LARGE1: variants seen among roughly 807,000 people sequenced by gnomAD.
LARGE1 encodes LARGE xylosyl- and glucuronyltransferase 1.
In LARGE1, 43 loss-of-function variants were observed where a neutral mutation model predicts 87.6. That is an observed-to-expected ratio of 0.49 (90% confidence interval 0.38 to 0.63). The LOEUF is 0.63. LARGE1 is among the 30% of genes least tolerant of loss of function. The pLI, the probability that LARGE1 is intolerant of heterozygous loss-of-function variation, is 0.00. For missense variants in LARGE1, 802 were observed against 1,000.2 expected (o/e 0.80, Z 2.67); for synonymous variants, 434 against 394.6 (o/e 1.10, Z -1.18).
rs71187278 is a variant in LARGE1, at chr22:33,713,982, GTAACATAACATAACA to G, written c.106+47374_106+47388del. Among the ~76,000 whole-genome samples the G allele has an allele frequency of 4.4e-4, 56 of 126,250 alleles. No homozygotes were observed. In the East Asian group the frequency reaches 9.9e-3, roughly 22 times the overall value. 82.8% of individuals were successfully genotyped at this position (126,250 alleles called of 152,430 possible). ...GAAAAAGTAAATAACGTAACATAACGTAACATAACATAACATAACATAACATAACATAACATAACA... is the reference window on the plus strand; with the variant it reads ...GAAAAAGTAAATAACGTAACATAACGTAACATAACATAACATAACATAACA... On this transcript the variant is annotated intron_variant, in intron 2 of 14. Transcript: ENST00000397394.
chr22:33,250,452 T>C (rs1296339412), intron 11 of LARGE1, among the ~76,000 whole-genome samples: 2 of 152,248 alleles, frequency 1.3e-5, no homozygotes, highest in Non-Finnish European at 1.5e-5. Flanking sequence ...CAGACAATCA[T>C]GTCATCTGTG....
intron 10 of LARGE1, among the ~76,000 whole-genome samples, chr22:33,330,172 G>T (rs1039522398): frequency 1.1e-4 from 17 of 152,106 alleles, no homozygotes; most frequent in Non-Finnish European, 2.5e-4. Flanking sequence ...CTCTGTCTTT[G>T]GGAGAATTTC....
intron 2 of LARGE1, among the ~76,000 whole-genome samples, chr22:33,729,459 G>A (rs1302985304): frequency 6.6e-6 from 1 of 152,150 alleles, no homozygotes; most frequent in African/African-American, 2.4e-5. Context: ...AGAAGATGAG[G>A]AATCAAATTT....
At chr22:33,230,004 C>CTTTT (rs557120175) in intron 11 of LARGE1, among the ~76,000 whole-genome samples, 6 of 81,134 alleles carry the variant, frequency 7.4e-5, no homozygotes, top group East Asian at 3.9e-4. Context: ...TTTCAAAGTT[C>CTTTT]TTTTTTTTTT....
intron 2 of LARGE1, among the ~76,000 whole-genome samples, chr22:33,734,798 G>C (rs759221617): frequency 1.3e-5 from 2 of 151,980 alleles, no homozygotes; most frequent in Non-Finnish European, 2.9e-5. Context: ...GAGAGTCGGT[G>C]GTCACGCCCC....
At chr22:33,203,192 C>T (rs1480647441) in intron 11 of LARGE1, among the ~76,000 whole-genome samples, 1 of 151,554 alleles carries the variant, frequency 6.6e-6, no homozygotes, top group Non-Finnish European at 1.5e-5. Context: ...GATTCAAGGT[C>T]CCAGTGCAGA....
intron 2 of LARGE1, among the ~76,000 whole-genome samples, chr22:33,680,598 C>A (rs921574307): frequency 6.6e-6 from 1 of 152,188 alleles, no homozygotes; most frequent in Non-Finnish European, 1.5e-5. Flanking sequence ...ACAACCTCAA[C>A]AGTTGCACCA....
chr22:33,755,814 T>C (rs936112554), intron 2 of LARGE1, among the ~76,000 whole-genome samples: 7 of 152,250 alleles, frequency 4.6e-5, no homozygotes, highest in Admixed American at 4.6e-4. Flanking sequence ...AGTTAGACAC[T>C]GGGAGTGTAA....
chr22:33,697,905 G>A (rs1314067514), intron 2 of LARGE1, among the ~76,000 whole-genome samples: 4 of 152,178 alleles, frequency 2.6e-5, no homozygotes, highest in African/African-American at 9.7e-5. Flanking sequence ...TTCTTAGGCA[G>A]CACAAAGATG....
the LARGE1 span, among the ~76,000 whole-genome samples, chr22:33,099,336 C>T: frequency 6.6e-6 from 1 of 150,584 alleles, no homozygotes; most frequent in African/African-American, 2.4e-5. Context: ...TCACCACAAC[C>T]TCTGCCTCCT....
At chr22:33,778,357 T>C (rs2085313284) in intron 1 of LARGE1, among the ~76,000 whole-genome samples, 2 of 152,202 alleles carry the variant, frequency 1.3e-5, no homozygotes, top group Admixed American at 1.3e-4. Flanking sequence ...TAACATAACA[T>C]TAACCACTTT....
chr22:33,390,495 GGTGGCTCTTCTTT>G (rs1472528743), intron 7 of LARGE1, among the ~76,000 whole-genome samples: 1 of 152,062 alleles, frequency 6.6e-6, no homozygotes, highest in Non-Finnish European at 1.5e-5. Flanking sequence ...AGAACCCATG[GGTGGCTCTTCTTT>G]GTACCTAGAC....
At chr22:33,200,531 CTT>C (rs1195292862) in intron 11 of LARGE1, among the ~76,000 whole-genome samples, 4 of 152,166 alleles carry the variant, frequency 2.6e-5, no homozygotes, top group African/African-American at 7.2e-5. Context: ...CACATAAAAA[CTT>C]CTCAGAATTT....
At position 33,798,646 on chromosome 22, in the gene LARGE1, G is replaced by A. The variant is rs533250041; in HGVS notation, c.-82-37088C>T. ...AACCCCGGACATAGGACCTTGACAC[G>A]TTTTTCAAAGATATGATCTGAAGAG... On this transcript the variant is annotated intron_variant, in intron 1 of 14. Coordinates refer to ENST00000397394, the MANE Select transcript of LARGE1 (RefSeq NM_133642.5). Among the ~76,000 whole-genome samples the A allele has an allele frequency of 6.6e-5, 10 of 152,208 alleles. No homozygotes were observed. In the South Asian group the frequency reaches 2.1e-3, roughly 32 times the overall value.
At chr22:33,493,367 GC>G (rs569356042) in intron 6 of LARGE1, among the ~76,000 whole-genome samples, 62 of 152,036 alleles carry the variant, frequency 4.1e-4, no homozygotes, top group African/African-American at 1.3e-3. Context: ...CACCATGTTG[GC>G]CAGGCTGGTC....
intron 11 of LARGE1, among the ~76,000 whole-genome samples, chr22:33,239,781 C>T (rs1926427024): frequency 6.6e-6 from 1 of 151,978 alleles, no homozygotes; most frequent in Admixed American, 6.6e-5. Context: ...TTGTGATCCG[C>T]CCACCTCGGC....
At chr22:33,854,354 A>G (rs2063697387) in intron 1 of LARGE1, among the ~76,000 whole-genome samples, 1 of 152,158 alleles carries the variant, frequency 6.6e-6, no homozygotes, top group Non-Finnish European at 1.5e-5. Flanking sequence ...TGGCAGAAAA[A>G]AAAAATCTTG....
intron 10 of LARGE1, among the ~76,000 whole-genome samples, chr22:33,330,461 T>G (rs2146474322): frequency 6.6e-6 from 1 of 152,270 alleles, no homozygotes; most frequent in Non-Finnish European, 1.5e-5. Context: ...GTGCAAGGAT[T>G]ATAGGCATGA....
At chr22:33,310,461 T>A (rs1247718431) in intron 11 of LARGE1, among the ~76,000 whole-genome samples, 4 of 152,078 alleles carry the variant, frequency 2.6e-5, no homozygotes, top group African/African-American at 9.7e-5. Flanking sequence ...GGTGCTGAGC[T>A]GCTGAAGGAG....
Sources: allele counts gnomAD v4.1 joint callset (sites outside exome capture counted in the v4.1 genomes callset), GRCh38; gene constraint gnomAD v4.1.1; transcripts MANE v1.5; gene names NCBI Gene and HGNC (gene_info 2026-07-23, HGNC 2026-07-21).